Variants in LPL observed in about 807,000 individuals in gnomAD.
LPL encodes lipoprotein lipase.
LPL carries 43 observed loss-of-function variants against 52.2 expected under a neutral mutation model. The ratio of observed to expected loss-of-function variants is 0.82; its 90% CI spans 0.64 to 1.06. LPL has a LOEUF of 1.06. LPL is among the 50% of genes least tolerant of loss of function. LPL has a pLI of 0.00. For synonymous variants in LPL, 244 were observed against 215.6 expected (o/e 1.13, Z -1.15); for missense variants, 639 against 585.3 (o/e 1.09, Z -0.95).
intron 1 of LPL, among the ~76,000 whole-genome samples, chr8:19,942,542 G>A (rs2069849886): frequency 6.6e-6 from 1 of 152,296 alleles, no homozygotes; most frequent in African/African-American, 2.4e-5. Context: ...CATTAAATGA[G>A]TTTGTCACCA....
chr8:19,948,131 A>C (rs752565122), intron 1 of LPL, 49 bp from the exon 2 acceptor site: 64 of 1,577,970 alleles, frequency 4.1e-5, no homozygotes, highest in Non-Finnish European at 5.5e-5. Context: ...CCAATGAATA[A>C]AATCAAGCAA....
At chr8:19,962,685 A>G (rs1029952378) in intron 9 of LPL, among the ~76,000 whole-genome samples, 3 of 152,190 alleles carry the variant, frequency 2.0e-5, no homozygotes, top group Non-Finnish European at 1.5e-5. Context: ...TGATTCTCCA[A>G]GTGCCAGCAT....
At chr8:19,946,997 T>C (rs963366319) in intron 1 of LPL, among the ~76,000 whole-genome samples, 1 of 152,244 alleles carries the variant, frequency 6.6e-6, no homozygotes, top group Non-Finnish European at 1.5e-5. Context: ...GTTTTGCCTT[T>C]GTGTGGAACA....
At chr8:19,961,284 T>C (rs1206619751) in intron 8 of LPL, among the ~76,000 whole-genome samples, 1 of 151,820 alleles carries the variant, frequency 6.6e-6, no homozygotes, top group South Asian at 2.1e-4. Flanking sequence ...GACAGTATTT[T>C]TGTATTTCAT....
At position 19,953,400 on chromosome 8, in the gene LPL, A is replaced by G; in HGVS notation, c.520A>G (p.Lys174Glu). ...TGGCATTGCAGGAAGTCTGACCAAT[A>G]AGAAAGTCAACAGAATTACTGGTAA... The part of the protein sequence containing the change: ...AAGIAGSLTN[K>E]KVNRITGLDP... The change falls in exon 4 of 10, where the codon AAG becomes GAG. Residue 174 changes from lysine (K) to glutamate (E), a missense_variant. Coordinates refer to ENST00000650287, the MANE Select transcript of LPL (RefSeq NM_000237.3). 6.2e-7 allele frequency: 1 copy of G among 1,613,734 alleles called. No individual in the cohort carries two copies. Among genetic ancestry groups the G allele is most frequent in the Non-Finnish European group, 8.5e-7 (1 of 1,179,648 alleles).
chr8:19,952,088 T>TAAAA, intron 3 of LPL, 140 bp downstream of exon 3: 6 of 928,694 alleles, frequency 6.5e-6, no homozygotes, highest in South Asian at 1.5e-5. Flanking sequence ...AGCGTGGATA[T>TAAAA]TATTTTATAT....
intron 7 of LPL, among the ~76,000 whole-genome samples, chr8:19,959,932 G>A (rs306): frequency 0.018 from 2,686 of 151,748 alleles, 74 homozygotes; most frequent in African/African-American, 0.061. Context: ...GGGGCTGCAG[G>A]TGCCCACCAC....
chr8:19,961,091 A>C lies in LPL; in HGVS notation c.1322+8A>C. 1 of 1,613,584 alleles carries C rather than the reference A, an allele frequency of 6.2e-7. No individual in the cohort carries two copies. The highest frequency in any genetic ancestry group is 8.5e-7 in the Non-Finnish European group (1 of 1,179,934). On this transcript the variant is annotated splice_region_variant and intron_variant, in intron 8 of 9. Coordinates refer to ENST00000650287, the MANE Select transcript of LPL (RefSeq NM_000237.3). Reference sequence around the variant, plus strand: ...AGGAGAGACTCAGAAAAAGTAATTAAATGTATTTTTCTTCCTTCACTTTAG... The same window carrying C: ...AGGAGAGACTCAGAAAAAGTAATTACATGTATTTTTCTTCCTTCACTTTAG...
intron 9 of LPL, among the ~76,000 whole-genome samples, chr8:19,964,144 G>A (rs983120486): frequency 6.6e-6 from 1 of 152,014 alleles, no homozygotes; most frequent in Non-Finnish European, 1.5e-5. Context: ...TAGAGAAAGG[G>A]TTTCACCATG....
chr8:19,954,155 G>A lies in LPL; in HGVS notation c.577G>A (p.Glu193Lys), dbSNP rs1469399544. ...DPAGPNFEYA[E>K]APSRLSPDDA... is the part of the protein sequence containing the mutation. ...AGCTGGACCTAACTTTGAGTATGCA[G>A]AAGCCCCGAGTCGTCTTTCTCCTGA... Residue 193 changes from glutamate to lysine, a missense_variant, in exon 5 of 10, where the codon GAA becomes AAA. Glu to Lys is a moderately conservative substitution (Grantham distance 56). Transcript: ENST00000650287. The A allele has an allele frequency of 6.2e-7, 1 of 1,614,144 alleles. No individual in the cohort carries two copies. Among genetic ancestry groups the A allele is most frequent in the Non-Finnish European group, 8.5e-7 (1 of 1,180,036 alleles).
At position 19,939,502 on chromosome 8, in the gene LPL, C is replaced by A; in HGVS notation, c.62C>A (p.Ser21Tyr). 1 of 1,610,400 alleles carries A rather than the reference C, an allele frequency of 6.2e-7. No homozygotes were observed. Among genetic ancestry groups the A allele is most frequent in the Non-Finnish European group, 8.5e-7 (1 of 1,178,946 alleles). The change falls in exon 1 of 10, where the codon TCC becomes TAC. Residue 21 changes from serine (S) to tyrosine (Y), a missense_variant. Coordinates refer to ENST00000650287, the MANE Select transcript of LPL (RefSeq NM_000237.3). The surrounding 1 kb of genome is among the most constrained non-coding windows in gnomAD (Gnocchi z 4.0). ...LAVWLQSLTA[S>Y]RGGVAAADQR... ...GTGTGGCTCCAGAGTCTGACCGCCT[C>A]CCGCGGAGGGGTGGCCGCCGCCGAC... is the stretch of plus-strand genomic sequence containing the variant.
Position 19,939,529 on chromosome 8 carries a change from G to C in LPL, c.88+1G>C, listed in dbSNP as rs766134215. Reference sequence around the variant, plus strand: ...CGCGGAGGGGTGGCCGCCGCCGACCGTAAGTTTTGCGCGCAAACTCCCCTC... The same window carrying C: ...CGCGGAGGGGTGGCCGCCGCCGACCCTAAGTTTTGCGCGCAAACTCCCCTC... On this transcript the variant is annotated splice_donor_variant, in intron 1 of 9. Transcript: ENST00000650287. LOFTEE classifies it high-confidence loss of function. The surrounding 1 kb of genome is among the most constrained non-coding windows in gnomAD (Gnocchi z 4.0). The C allele has an allele frequency of 1.9e-6, 3 of 1,606,490 alleles. No individual in the cohort carries two copies. Among genetic ancestry groups the C allele is most frequent in the South Asian group, 1.1e-5 (1 of 90,098 alleles).
intron 2 of LPL, 61 bp from the exon 3 acceptor site, chr8:19,951,708 T>C: frequency 6.3e-7 from 1 of 1,575,936 alleles, no homozygotes; most frequent in Non-Finnish European, 8.7e-7. Context: ...TGTATTGGGC[T>C]GATGTATCTA....
At chr8:19,951,449 T>G (rs2069933517) in intron 2 of LPL, among the ~76,000 whole-genome samples, 1 of 152,208 alleles carries the variant, frequency 6.6e-6, no homozygotes, top group South Asian at 2.1e-4. Flanking sequence ...CCACTTTGCA[T>G]TCAGACCAAT....
At chr8:19,957,568 C>T (rs994864583) in intron 6 of LPL, among the ~76,000 whole-genome samples, 16 of 152,304 alleles carry the variant, frequency 1.1e-4, no homozygotes, top group Middle Eastern at 3.4e-3. Flanking sequence ...AAGGCTCTGT[C>T]AGTGTCCCCT....
chr8:19,961,117 A>AC lies in LPL; in HGVS notation c.1322+39dup, dbSNP rs754321244. The AC allele has an allele frequency of 3.1e-6, 5 of 1,598,838 alleles. No homozygotes were observed. In the South Asian group the frequency reaches 5.5e-5, roughly 18 times the overall value. On this transcript the variant is annotated intron_variant, in intron 8 of 9. Transcript: ENST00000650287. ...ATGTATTTTTCTTCCTTCACTTTAG[A>AC]CCCCCACCTGATGTCAGGACCTAGG... is the stretch of plus-strand genomic sequence containing the variant.
In LPL at chr8:19,955,895, A is replaced by G. The variant is rs1487585941; in HGVS notation, c.830A>G (p.Asp277Gly). 1 of 1,613,892 alleles carries G rather than the reference A, an allele frequency of 6.2e-7. No individual in the cohort carries two copies. The highest frequency in any genetic ancestry group is 8.5e-7 in the Non-Finnish European group (1 of 1,180,026). ...GAGCGCTCCATTCATCTCTTCATCG[A>G]CTCTCTGTTGAATGAAGAAAATCCA... ...SHERSIHLFI[D>G]SLLNEENPSK... Residue 277 changes from aspartate to glycine, a missense_variant, in exon 6 of 10, where the codon GAC becomes GGC. Coordinates refer to ENST00000650287, the MANE Select transcript of LPL (RefSeq NM_000237.3).
At chr8:19,965,208 C>T (rs1295461232) in intron 9 of LPL, 102 bp from the exon 10 acceptor site, 2 of 754,994 alleles carry the variant, frequency 2.6e-6, no homozygotes, top group Non-Finnish European at 4.9e-6. Context: ...TCTGAAATTC[C>T]ATTTGAAGGC....
intron 2 of LPL, among the ~76,000 whole-genome samples, chr8:19,951,202 G>T (rs565928067): frequency 1.3e-5 from 2 of 152,290 alleles, no homozygotes; most frequent in African/African-American, 4.8e-5. Flanking sequence ...CCACTTGCTT[G>T]GATGTCACTG....
Sources: allele counts gnomAD v4.1 joint callset (sites outside exome capture counted in the v4.1 genomes callset), GRCh38; gene constraint gnomAD v4.1.1; non-coding constraint Gnocchi (gnomAD v3.1); transcripts MANE v1.5; gene names NCBI Gene and HGNC (gene_info 2026-07-23, HGNC 2026-07-21).